The following PLD3 variants were observed in gnomAD, a reference collection of about 807,000 sequenced individuals.
The protein encoded by PLD3 is 5'-3' exonuclease PLD3.
Under a neutral mutation model 58.4 loss-of-function variants are expected in PLD3, and 31 were observed. That is an observed-to-expected ratio of 0.53 (90% CI 0.40 to 0.72). PLD3 has a LOEUF of 0.72. PLD3 is among the 30% of genes least tolerant of loss of function. The probability of loss-of-function intolerance (pLI) is 0.00; values close to 1 mark genes in which losing one functional copy is unlikely to be tolerated. For missense variants in PLD3, 595 were observed against 659.8 expected (o/e 0.90, Z 1.08); for synonymous variants, 264 against 273.4 (o/e 0.97, Z 0.34).
rs1384761158 is a variant in PLD3 at position 40,367,684 on chromosome 19, C to T, written c.246-12C>T. 2 of 1,594,820 alleles carry T rather than the reference C, an allele frequency of 1.3e-6. No homozygotes were observed. The highest frequency in any genetic ancestry group is 1.7e-5 in the Admixed American group (1 of 59,046). ...CGGCACCGTATGGCTGATAGCATCC[C>T]CCACCCCCCAGAGCAGTGCTGGTGG... On this transcript the variant is annotated splice_polypyrimidine_tract_variant and intron_variant, in intron 5 of 12. Coordinates refer to ENST00000409735, the MANE Select transcript of PLD3 (RefSeq NM_012268.4).
intron 5 of PLD3, 28 bp from the exon 6 acceptor site, chr19:40,367,668 A>C (rs1442308360): frequency 6.3e-7 from 1 of 1,585,050 alleles, no homozygotes; most frequent in Non-Finnish European, 8.6e-7. Context: ...CCGGCACCGT[A>C]TGGCTGATAG....
intron 1 of PLD3, among the ~76,000 whole-genome samples, chr19:40,364,137 C>T (rs1195724296): frequency 6.6e-6 from 1 of 151,776 alleles, no homozygotes; most frequent in Admixed American, 6.6e-5. Flanking sequence ...AGGCGGATCA[C>T]GAGGTCAGGA....
At chr19:40,376,525 C>G in intron 10 of PLD3, 84 bp from the exon 11 acceptor site, 1 of 1,382,802 alleles carries the variant, frequency 7.2e-7, no homozygotes, top group East Asian at 2.3e-5. Context: ...AGGGCCCAGG[C>G]TTGGTTCCCC....
chr19:40,349,359 C>G (rs1050552782), intron 1 of PLD3, among the ~76,000 whole-genome samples: 1 of 152,134 alleles, frequency 6.6e-6, no homozygotes, highest in Non-Finnish European at 1.5e-5. Context: ...TTCCAGTTTT[C>G]CCCATAAGGA....
chr19:40,353,134 A>T (rs913308507), intron 1 of PLD3, among the ~76,000 whole-genome samples: 1 of 152,164 alleles, frequency 6.6e-6, no homozygotes, highest in African/African-American at 2.4e-5. Flanking sequence ...GCCCTGGAAT[A>T]CAACTGAGCT....
intron 2 of PLD3, 149 bp from the exon 3 acceptor site, chr19:40,366,270 C>A: frequency 1.6e-6 from 1 of 614,318 alleles, no homozygotes; most frequent in South Asian, 1.9e-5. Context: ...TCCTGCTGAC[C>A]AGTGACCAGC....
At chr19:40,366,337 C>G (rs1002698057) in intron 2 of PLD3, 82 bp from the exon 3 acceptor site, 21 of 757,712 alleles carry the variant, frequency 2.8e-5, no homozygotes, top group Non-Finnish European at 4.5e-5. Flanking sequence ...TATGAATAGC[C>G]CCAAGACTAA....
At position 40,368,710 on chromosome 19, in the gene PLD3, C is replaced by T. The variant is rs549548448; in HGVS notation, c.429+831C>T. Among the ~76,000 whole-genome samples, 21 of 152,142 alleles carry T rather than the reference C, an allele frequency of 1.4e-4. No homozygotes were observed. The South Asian group carries it at 2.1e-3, about 15-fold the overall frequency. On this transcript the variant is annotated intron_variant, in intron 6 of 12. Coordinates refer to ENST00000409735, the MANE Select transcript of PLD3 (RefSeq NM_012268.4). ...TGGAGCCCAAGAGTTCGAGACTAGC[C>T]TGAGCAACATAGTGAGACCCGCCCC...
At chr19:40,372,683 C>G (rs977436435) in intron 9 of PLD3, among the ~76,000 whole-genome samples, 39 of 149,180 alleles carry the variant, frequency 2.6e-4, no homozygotes, top group African/African-American at 8.6e-4. Context: ...ATAGGATACC[C>G]AAGAACTAGG....
intron 1 of PLD3, chr19:40,365,460 C>A (rs1463701786): frequency 6.6e-6 from 1 of 152,216 alleles, no homozygotes; most frequent in Non-Finnish European, 1.5e-5. Flanking sequence ...GACTTTATCG[C>A]TACCTTTCTT....
intron 6 of PLD3, among the ~76,000 whole-genome samples, chr19:40,369,627 T>G (rs951934392): frequency 6.6e-6 from 1 of 152,180 alleles, no homozygotes; most frequent in Non-Finnish European, 1.5e-5. Flanking sequence ...CTGGAGGCCC[T>G]GCCTTGATGC....
chr19:40,354,948 AT>A (rs1243076955), intron 1 of PLD3, among the ~76,000 whole-genome samples: 31 of 146,722 alleles, frequency 2.1e-4, no homozygotes, highest in South Asian at 1.1e-3. Context: ...AGCGATTCTC[AT>A]GCCTCAGCCC....
chr19:40,368,092 A>T (rs2078974159), intron 6 of PLD3, among the ~76,000 whole-genome samples: 1 of 152,114 alleles, frequency 6.6e-6, no homozygotes, highest in African/African-American at 2.4e-5. Context: ...TCTGAATGTC[A>T]GGGTGCGGGT....
At chr19:40,369,112 G>A (rs1423417281) in intron 6 of PLD3, among the ~76,000 whole-genome samples, 1 of 151,846 alleles carries the variant, frequency 6.6e-6, no homozygotes, top group Non-Finnish European at 1.5e-5. Flanking sequence ...GCAACATAGT[G>A]AAACCCTGTC....
At chr19:40,370,389 C>T (rs2079038339) in intron 8 of PLD3, 152 bp downstream of exon 8, 1 of 810,996 alleles carries the variant, frequency 1.2e-6, no homozygotes. Flanking sequence ...CTCCCTAATC[C>T]AAGCCATGCA....
At position 40,366,644 on chromosome 19, in the gene PLD3, T is replaced by C. The variant is rs2145685526; in HGVS notation, c.62T>C (p.Leu21Pro). ...KVPAEEPANE[L>P]PMNEIEAWKA... ...CCTGCAGAGGAGCCCGCCAATGAGC[T>C]GCCCATGAATGAGATTGAGGCGTGG... The change falls in exon 4 of 13, where the codon CTG (leucine) becomes CCG (proline). Residue 21 changes from leucine (L) to proline (P), a missense_variant. By Grantham distance (98) the Leu-to-Pro change is moderately conservative. Coordinates refer to ENST00000409735, the MANE Select transcript of PLD3 (RefSeq NM_012268.4). 1 of 1,586,972 alleles carries C rather than the reference T, an allele frequency of 6.3e-7. No individual in the cohort carries two copies. Among genetic ancestry groups the C allele is most frequent in the South Asian group, 1.1e-5 (1 of 88,028 alleles).
chr19:40,371,604 C>A (rs761461178), intron 8 of PLD3, 69 bp from the exon 9 acceptor site: 4 of 1,042,114 alleles, frequency 3.8e-6, no homozygotes, highest in Non-Finnish European at 5.8e-6. Flanking sequence ...AGAGACCAGA[C>A]TGGGGAGTGT....
chr19:40,362,129 G>A (rs1479838110), intron 1 of PLD3, among the ~76,000 whole-genome samples: 7 of 152,166 alleles, frequency 4.6e-5, no homozygotes, highest in East Asian at 3.8e-4. Context: ...GAGACACCGC[G>A]CCTGGCCTCT....
rs549199730 is a variant in PLD3 at position 40,376,013 on chromosome 19, A to T, written c.1020-596A>T. ...GGCTGCATTGAGCTATGGTCGTGCC[A>T]CTACACTCCAGCCTGGGTGATAGAG... is the stretch of plus-strand genomic sequence containing the variant. On this transcript the variant is annotated intron_variant, in intron 10 of 12. Transcript: ENST00000409735. Among the ~76,000 whole-genome samples, 204 of 151,990 alleles carry T rather than the reference A, an allele frequency of 1.3e-3. 1 individual carries two copies. The highest frequency in any genetic ancestry group is 4.7e-3 in the African/African-American group (194 of 41,452).
Sources: allele counts gnomAD v4.1 joint callset (sites outside exome capture counted in the v4.1 genomes callset), GRCh38; gene constraint gnomAD v4.1.1; transcripts MANE v1.5; gene names NCBI Gene and HGNC (gene_info 2026-07-23, HGNC 2026-07-21).